The following MAP3K15 variants were observed in gnomAD, a reference collection of about 807,000 sequenced individuals.
The protein encoded by MAP3K15 is mitogen-activated protein kinase kinase kinase 15, also known as MAPK/ERK kinase kinase 15.
Under a neutral mutation model 99.5 loss-of-function variants are expected in MAP3K15, and 124 were observed. The ratio of observed to expected loss-of-function variants is 1.25; its 90% CI spans 1.08 to 1.45. The LOEUF (loss-of-function observed/expected upper bound fraction) is 1.45. MAP3K15 is among the 40% of genes most tolerant of loss of function. The probability of loss-of-function intolerance (pLI) is 0.00; values close to 1 mark genes in which losing one functional copy is unlikely to be tolerated. For missense variants in MAP3K15, 1,242 were observed against 1,079.7 expected, an observed-to-expected ratio of 1.15 and a Z score of -2.11; for synonymous variants, 494 against 439.6, an observed-to-expected ratio of 1.12 and a Z score of -1.55.
chrX:19,371,548 T>C lies in MAP3K15; in HGVS notation c.3109-18A>G, dbSNP rs1286537105. The C allele has an allele frequency of 8.5e-7, 1 of 1,180,050 alleles. No homozygotes were observed. Among genetic ancestry groups the C allele is most frequent in the South Asian group, 1.8e-5 (1 of 54,625 alleles). On this transcript the variant is annotated intron_variant, in intron 22 of 28. Transcript: ENST00000338883. ...TCGGAACTCTGAAAACACACACAAA[T>C]CATTTTCATTGAGTCAGATTGAGAG...
chrX:19,373,426 G>T (rs1041529599), intron 21 of MAP3K15, 110 bp downstream of exon 21: 3 of 969,075 alleles, frequency 3.1e-6, no homozygotes, highest in Non-Finnish European at 4.2e-6. Context: ...CTGCAGAAGG[G>T]AAGTAAAACC....
At chrX:19,427,527 C>A (rs1243466130) in intron 7 of MAP3K15, among the ~76,000 whole-genome samples, 1 of 111,103 alleles carries the variant, frequency 9.0e-6, no homozygotes, top group Non-Finnish European at 1.9e-5. Flanking sequence ...TCTACTATAT[C>A]AGGATAAGCA....
intron 6 of MAP3K15, among the ~76,000 whole-genome samples, chrX:19,434,901 G>A (rs766485524): frequency 5.4e-5 from 6 of 111,441 alleles, no homozygotes; most frequent in African/African-American, 9.8e-5. Context: ...ATTTTGACTC[G>A]GACTTTTTCC....
chrX:19,466,912 A>G (rs2064173291), intron 3 of MAP3K15, among the ~76,000 whole-genome samples: 1 of 111,948 alleles, frequency 8.9e-6, no homozygotes. Context: ...ACCGGGGCCC[A>G]TGGACCACAT....
intron 9 of MAP3K15, among the ~76,000 whole-genome samples, chrX:19,424,597 G>A (rs139507126): frequency 1.3e-3 from 149 of 110,638 alleles, no homozygotes; most frequent in Middle Eastern, 9.2e-3. Context: ...AGACCTACTG[G>A]GCCAGAAATT....
intron 3 of MAP3K15, among the ~76,000 whole-genome samples, chrX:19,479,339 C>T (rs1193798348): frequency 1.8e-5 from 2 of 110,869 alleles, no homozygotes; most frequent in Non-Finnish European, 3.8e-5. Flanking sequence ...CATTTCATCC[C>T]AACCCAAGAC....
chrX:19,452,091 AAG>A (rs1436907910), intron 6 of MAP3K15, among the ~76,000 whole-genome samples: 3 of 15 alleles, frequency 0.2, no homozygotes, highest in Non-Finnish European at 0.38. Flanking sequence ...AAGAGAAGAG[AAG>A]AGAAGAGAAG....
At chrX:19,469,370 C>G (rs1218302104) in intron 3 of MAP3K15, among the ~76,000 whole-genome samples, 25 of 111,812 alleles carry the variant, frequency 2.2e-4, no homozygotes, top group Non-Finnish European at 4.5e-4. Flanking sequence ...AAACTGGATC[C>G]CTTCCTTACA....
chrX:19,363,477 G>C (rs146732831), intron 25 of MAP3K15, among the ~76,000 whole-genome samples: 2 of 111,783 alleles, frequency 1.8e-5, no homozygotes, highest in African/African-American at 6.5e-5. Context: ...AAAACGTATC[G>C]TGAACCAAAA....
chrX:19,398,126 C>A, intron 15 of MAP3K15, 100 bp downstream of exon 15: 3 of 887,002 alleles, frequency 3.4e-6, no homozygotes, highest in Non-Finnish European at 3.1e-6. Context: ...TGTGGTAACA[C>A]AATGCTTTTG....
chrX:19,441,559 C>T (rs2063960503), intron 6 of MAP3K15, among the ~76,000 whole-genome samples: 1 of 111,759 alleles, frequency 8.9e-6, no homozygotes, highest in South Asian at 3.7e-4. Context: ...CATCCTCCGA[C>T]TCCAGGGCTC....
chrX:19,425,702 G>T lies in MAP3K15; in HGVS notation c.1280-12C>A. On this transcript the variant is annotated splice_polypyrimidine_tract_variant and intron_variant, in intron 8 of 28. Transcript: ENST00000338883. ...GTTCAGCCGGACACCTTAAGAATTT[G>T]AATTTTTGATAGTCAGAATAATCTT... The T allele has an allele frequency of 8.5e-7, 1 of 1,179,241 alleles. No homozygotes were observed. The highest frequency in any genetic ancestry group is 1.1e-6 in the Non-Finnish European group (1 of 883,788).
intron 6 of MAP3K15, among the ~76,000 whole-genome samples, chrX:19,435,118 T>C (rs137865565): frequency 1.3e-3 from 148 of 112,364 alleles, no homozygotes; most frequent in Middle Eastern, 4.6e-3. Flanking sequence ...ATGAAAAAGA[T>C]TGAAACTTTT....
At chrX:19,479,334 C>T (rs2064273966) in intron 3 of MAP3K15, among the ~76,000 whole-genome samples, 1 of 110,956 alleles carries the variant, frequency 9.0e-6, no homozygotes, top group South Asian at 3.9e-4. Context: ...CTGGCCATTT[C>T]ATCCCAACCC....
At chrX:19,399,079 G>A (rs994462403) in intron 14 of MAP3K15, among the ~76,000 whole-genome samples, 2 of 112,096 alleles carry the variant, frequency 1.8e-5, no homozygotes, top group South Asian at 3.7e-4. Flanking sequence ...GCTTATACAC[G>A]GAATAGTCGG....
At chrX:19,443,523 G>A (rs1388633548) in intron 6 of MAP3K15, among the ~76,000 whole-genome samples, 3 of 112,332 alleles carry the variant, frequency 2.7e-5, no homozygotes, top group African/African-American at 9.7e-5. Context: ...CAAGCGCTAT[G>A]AGAATGAGTA....
At chrX:19,486,374 C>T (rs963156144) in intron 3 of MAP3K15, 108 bp downstream of exon 3, 22 of 324,085 alleles carry the variant, frequency 6.8e-5, no homozygotes, top group South Asian at 3.9e-4. Context: ...AACCCACAGG[C>T]GTGATTAGAA....
intron 6 of MAP3K15, among the ~76,000 whole-genome samples, chrX:19,452,375 A>G (rs1219007620): frequency 2.2e-5 from 1 of 45,646 alleles, no homozygotes; most frequent in Non-Finnish European, 3.5e-5. Context: ...AGAAGAGAAG[A>G]GAGAAAAGAA....
intron 11 of MAP3K15, among the ~76,000 whole-genome samples, chrX:19,412,726 T>C (rs933178081): frequency 1.8e-5 from 2 of 111,066 alleles, no homozygotes; most frequent in Non-Finnish European, 3.8e-5. Context: ...TAAGTGCTTC[T>C]AAAAATATAT....
Sources: allele counts gnomAD v4.1 joint callset (sites outside exome capture counted in the v4.1 genomes callset), GRCh38; gene constraint gnomAD v4.1.1; transcripts MANE v1.5; gene names NCBI Gene and HGNC (gene_info 2026-07-23, HGNC 2026-07-21).